The following SLC22A14 variants were observed in gnomAD, a reference collection of about 807,000 sequenced individuals.
SLC22A14 encodes the protein organic cation transporter-like 4.
Under a neutral mutation model 53.9 loss-of-function variants are expected in SLC22A14, and 50 were observed. The ratio of observed to expected loss-of-function variants is 0.93; its 90% confidence interval spans 0.74 to 1.17. SLC22A14 has a LOEUF of 1.17. Among genes scored for constraint, SLC22A14 ranks in the 50% most tolerant of loss-of-function variants. The probability of loss-of-function intolerance (pLI) is 0.00; values close to 1 mark genes in which losing one functional copy is unlikely to be tolerated. For missense variants in SLC22A14, 671 were observed against 734.7 expected (o/e 0.91, Z 1.00); for synonymous variants, 312 against 303.0 (o/e 1.03, Z -0.31).
Position 38,318,258 on chromosome 3 carries a change from C to A in SLC22A14, c.*9C>A. 6.2e-7 allele frequency: 1 copy of A among 1,612,178 alleles called. No homozygotes were observed. Among genetic ancestry groups the A allele is most frequent in the Non-Finnish European group, 8.5e-7 (1 of 1,178,182 alleles). On this transcript the variant is annotated 3_prime_UTR_variant, in exon 11 of 11. Transcript: ENST00000448498. ...CATCTGATGATGTCTGAGGAAGCGG[C>A]CAAGAATGTCATTCTCAATGCCCAG...
chr3:38,288,967 G>T (rs539250332), intron 1 of SLC22A14, among the ~76,000 whole-genome samples: 107 of 151,960 alleles, frequency 7.0e-4, no homozygotes, highest in African/African-American at 2.2e-3. Flanking sequence ...ATCACTCGAG[G>T]CCAGAAGTTC....
chr3:38,295,501 G>A (rs537053811), intron 1 of SLC22A14, among the ~76,000 whole-genome samples: 62 of 152,180 alleles, frequency 4.1e-4, no homozygotes, highest in African/African-American at 1.5e-3. Context: ...GGTTGTCAGT[G>A]GTCTCAGTGT....
At position 38,315,725 on chromosome 3, in the gene SLC22A14, TG is replaced by T; in HGVS notation, c.1532+17del. The T allele has an allele frequency of 6.2e-7, 1 of 1,609,268 alleles. No homozygotes were observed. Among genetic ancestry groups the T allele is most frequent in the Non-Finnish European group, 8.5e-7 (1 of 1,177,038 alleles). ...CACTGTGCTCAGGTATGGGGTCTGG[TG>T]GGCGAGGGGGCCATGGGGACATGCG... On this transcript the variant is annotated intron_variant, in intron 9 of 10. Transcript: ENST00000448498.
intron 1 of SLC22A14, among the ~76,000 whole-genome samples, chr3:38,285,676 A>G (rs1208192671): frequency 6.6e-6 from 1 of 152,172 alleles, no homozygotes; most frequent in Non-Finnish European, 1.5e-5. Context: ...ATCTACTACA[A>G]TTTAGGCATT....
In SLC22A14 at chr3:38,307,165, C is replaced by T; in HGVS notation, c.517-89C>T. The T allele has an allele frequency of 1.1e-6, 1 of 900,210 alleles. No homozygotes were observed. Among genetic ancestry groups the T allele is most frequent in the Non-Finnish European group, 1.9e-6 (1 of 529,366 alleles). 55.8% of individuals were successfully genotyped at this position (900,210 alleles called of 1,614,324 possible). A position where few individuals can be genotyped will look rare whatever the true frequency, so the allele number is the denominator to read the frequency against. On this transcript the variant is annotated intron_variant, in intron 2 of 10. Coordinates refer to ENST00000448498, the MANE Select transcript of SLC22A14 (RefSeq NM_001320033.2). The surrounding 1 kb of genome is among the most constrained non-coding windows in gnomAD (Gnocchi z 4.4). ...GTTAACTGCCCCTACCCCAGGTCCC[C>T]TTGGCCTATAGGTCCCACGCTGGGA...
Position 38,315,510 on chromosome 3 carries a change from G to A in SLC22A14, c.1379-48G>A, listed in dbSNP as rs748323869. The stretch of plus-strand genomic sequence containing the variant: ...GGAAGGCTGTTCAGATGCCTTCTGG[G>A]AGGGGTCAAGGGAGGGCTGATGAGT... On this transcript the variant is annotated intron_variant, in intron 8 of 10. Coordinates refer to ENST00000448498, the MANE Select transcript of SLC22A14 (RefSeq NM_001320033.2). The A allele has an allele frequency of 3.8e-6, 6 of 1,578,314 alleles. No individual in the cohort carries two copies. In the South Asian group the frequency reaches 5.7e-5, roughly 15 times the overall value.
intron 1 of SLC22A14, among the ~76,000 whole-genome samples, chr3:38,289,407 C>T (rs559416392): frequency 1.6e-3 from 244 of 152,212 alleles, no homozygotes; most frequent in African/African-American, 5.5e-3. Context: ...CACTGTGATT[C>T]GTTGTCATGT....
rs769423383 is a variant in SLC22A14 at position 38,307,738 on chromosome 3, T to G, written c.775+18T>G. The G allele has an allele frequency of 1.2e-6, 2 of 1,613,184 alleles. No individual in the cohort carries two copies. The highest frequency in any genetic ancestry group is 1.7e-6 in the Non-Finnish European group (2 of 1,179,704). On this transcript the variant is annotated intron_variant, in intron 4 of 10. Coordinates refer to ENST00000448498, the MANE Select transcript of SLC22A14 (RefSeq NM_001320033.2). The surrounding 1 kb of genome is among the most constrained non-coding windows in gnomAD (Gnocchi z 4.4). ...TTCTTTGGGTGAGACTGGGCCTCAA[T>G]GGGGCAGGGCAGGGTGGCACAGGGG...
At chr3:38,309,217 G>A in intron 5 of SLC22A14, 95 bp downstream of exon 5, 1 of 1,113,336 alleles carries the variant, frequency 9.0e-7, no homozygotes, top group Non-Finnish European at 1.3e-6. Flanking sequence ...GAATGGGTGG[G>A]ATTTCCCCTG....
rs758994502 is a variant in SLC22A14 at position 38,315,587 on chromosome 3, C to T, written c.1408C>T (p.Arg470Cys). ...GEDGLRLKWP[R>C]CPATELKSMT... ...GGATGGCCTCAGACTCAAGTGGCCA[C>T]GTTGTCCGGCCACAGAGCTGAAATC... The change falls in exon 9 of 11, where the codon CGT becomes TGT. Residue 470 changes from arginine to cysteine, a missense_variant. Physicochemically the swap from Arg to Cys is radical, Grantham distance 180. Transcript: ENST00000448498. 46 of 1,613,934 alleles carry T rather than the reference C, an allele frequency of 2.9e-5. No homozygotes were observed. The highest frequency in any genetic ancestry group is 2.0e-4 in the Admixed American group (12 of 60,012).
chr3:38,286,272 T>C (rs1703789521), intron 1 of SLC22A14, among the ~76,000 whole-genome samples: 2 of 152,106 alleles, frequency 1.3e-5, no homozygotes, highest in South Asian at 4.1e-4. Flanking sequence ...GTTTTGTCAA[T>C]CAAATGAGTA....
Position 38,307,363 on chromosome 3 carries a change from T to A in SLC22A14, c.620+6T>A, listed in dbSNP as rs768888889. The stretch of plus-strand genomic sequence containing the variant: ...TTCAGGCTCATAACTGACAAGTGAG[T>A]CCCCGGGAGTTTCTGCTGGTCCCCG... On this transcript the variant is annotated splice_donor_region_variant and intron_variant, in intron 3 of 10. Transcript: ENST00000448498. The surrounding 1 kb of genome is among the most constrained non-coding windows in gnomAD (Gnocchi z 4.4). The A allele has an allele frequency of 1.9e-6, 3 of 1,606,158 alleles. No individual in the cohort carries two copies. The highest frequency in any genetic ancestry group is 2.6e-6 in the Non-Finnish European group (3 of 1,172,780).
intron 8 of SLC22A14, 49 bp downstream of exon 8, chr3:38,313,990 C>T (rs1474259860): frequency 6.5e-7 from 1 of 1,535,708 alleles, no homozygotes; most frequent in Non-Finnish European, 9.0e-7. Flanking sequence ...TCCTGCTTCC[C>T]AAAACCCCTC....
intron 1 of SLC22A14, among the ~76,000 whole-genome samples, chr3:38,300,949 A>C (rs575796053): frequency 6.6e-6 from 1 of 152,176 alleles, no homozygotes; most frequent in Non-Finnish European, 1.5e-5. Context: ...CGCTAGGACT[A>C]CAAGTGTATT....
chr3:38,307,839 T>A lies in SLC22A14; in HGVS notation c.775+119T>A. On this transcript the variant is annotated intron_variant, in intron 4 of 10. Coordinates refer to ENST00000448498, the MANE Select transcript of SLC22A14 (RefSeq NM_001320033.2). The surrounding 1 kb of genome is among the most constrained non-coding windows in gnomAD (Gnocchi z 4.4). ...GGCATAGGCAGATGGCAAGGGGGCG[T>A]GGTGTAGCTGTAAGAGGGCATGGCG... 2.7e-6 allele frequency: 3 copies of A among 1,108,026 alleles called. No homozygotes were observed. The highest frequency in any genetic ancestry group is 4.0e-6 in the Non-Finnish European group (3 of 756,140). The allele number at this position is 1,108,026 out of a possible 1,614,324, so 68.6% of individuals were successfully genotyped here.
chr3:38,308,837 A>C, intron 4 of SLC22A14, 117 bp from the exon 5 acceptor site: 1 of 901,424 alleles, frequency 1.1e-6, no homozygotes, highest in Non-Finnish European at 1.8e-6. Flanking sequence ...GAGCAGAAGA[A>C]GCTTTGCCTG....
chr3:38,298,847 T>G (rs4955409), intron 1 of SLC22A14, among the ~76,000 whole-genome samples: 89,100 of 152,048 alleles, frequency 0.59, 26,387 homozygotes, highest in South Asian at 0.65. Flanking sequence ...GAGCCACTGT[T>G]CCCAGCTTCC....
At position 38,312,563 on chromosome 3, in the gene SLC22A14, A is replaced by G. The variant is rs951174241; in HGVS notation, c.945-436A>G. On this transcript the variant is annotated intron_variant, in intron 5 of 10. Transcript: ENST00000448498. The stretch of plus-strand genomic sequence containing the variant: ...CAGACCCAGGGTCCTGCCCCCTCAC[A>G]CTCCTCAGGCTGTTGGGGAGACAGA... Among the ~76,000 whole-genome samples the G allele has an allele frequency of 2.0e-5, 3 of 152,066 alleles. No homozygotes were observed. In the South Asian group the frequency reaches 6.2e-4, roughly 32 times the overall value.
intron 6 of SLC22A14, 46 bp from the exon 7 acceptor site, chr3:38,313,342 G>C: frequency 1.3e-6 from 2 of 1,496,706 alleles, no homozygotes; most frequent in South Asian, 1.1e-5. Context: ...TGGGGAGCAA[G>C]CTGGGGTCTT....
Sources: allele counts gnomAD v4.1 joint callset (sites outside exome capture counted in the v4.1 genomes callset), GRCh38; gene constraint gnomAD v4.1.1; non-coding constraint Gnocchi (gnomAD v3.1); transcripts MANE v1.5; gene names NCBI Gene and HGNC (gene_info 2026-07-23, HGNC 2026-07-21).